Variants in MRE11 observed in about 807,000 individuals in gnomAD.
MRE11 encodes the protein double-strand break repair protein MRE11.
In MRE11, 62 loss-of-function variants were observed where a neutral mutation model predicts 91.7. That is an observed-to-expected ratio of 0.68 (90% CI 0.55 to 0.84). The LOEUF is 0.84. MRE11 is among the 40% of genes least tolerant of loss of function. The pLI is 0.00. For missense variants in MRE11, 796 were observed against 852.9 expected (o/e 0.93, Z 0.83); for synonymous variants, 273 against 271.4 (o/e 1.01, Z -0.06).
chr11:94,454,143 G>A (rs372673239), intron 14 of MRE11, among the ~76,000 whole-genome samples: 5 of 149,150 alleles, frequency 3.4e-5, no homozygotes, highest in East Asian at 3.9e-4. Flanking sequence ...GCGTCATCTC[G>A]GCTCATTGCA....
At chr11:94,427,571 G>T (rs138662745) in intron 19 of MRE11, among the ~76,000 whole-genome samples, 1 of 152,048 alleles carries the variant, frequency 6.6e-6, no homozygotes, top group Non-Finnish European at 1.5e-5. Flanking sequence ...AGAAAGAAAA[G>T]ACATCCAAAC....
chr11:94,464,077 G>A (rs1946493556), intron 11 of MRE11, 36 bp downstream of exon 11: 2 of 1,598,814 alleles, frequency 1.3e-6, no homozygotes, highest in Non-Finnish European at 1.7e-6. Flanking sequence ...AATCCTATAA[G>A]AACATTTTTT....
At chr11:94,447,097 A>G in intron 15 of MRE11, 122 bp downstream of exon 15, 1 of 1,033,246 alleles carries the variant, frequency 9.7e-7, no homozygotes, top group Non-Finnish European at 1.5e-6. Flanking sequence ...TTATAAAAAT[A>G]GATTTTTAAA....
At chr11:94,504,240 T>C in the MRE11 span, among the ~76,000 whole-genome samples, 1 of 152,160 alleles carries the variant, frequency 6.6e-6, no homozygotes, top group Non-Finnish European at 1.5e-5. Context: ...TTTTTGTACA[T>C]AAGTTATATT....
At chr11:94,457,906 C>G (rs925256136) in intron 13 of MRE11, among the ~76,000 whole-genome samples, 2 of 151,730 alleles carry the variant, frequency 1.3e-5, no homozygotes, top group African/African-American at 4.8e-5. Context: ...CACACACACA[C>G]ACACACACCC....
chr11:94,496,673 T>C (rs1187334999), upstream of MRE11: 4 of 1,538,986 alleles, frequency 2.6e-6, no homozygotes, highest in South Asian at 2.5e-5. Context: ...AAATGCTTTT[T>C]ATTTAGAATA....
At chr11:94,421,756 C>T (rs745549933) in intron 19 of MRE11, among the ~76,000 whole-genome samples, 4 of 152,136 alleles carry the variant, frequency 2.6e-5, no homozygotes, top group Non-Finnish European at 4.4e-5. Flanking sequence ...CAGGCTACAA[C>T]GTAGATAAAC....
In MRE11 at chr11:94,447,296, C is replaced by A; in HGVS notation, c.1706G>T (p.Gly569Val). The A allele has an allele frequency of 1.2e-6, 2 of 1,614,072 alleles. No homozygotes were observed. Among genetic ancestry groups the A allele is most frequent in the South Asian group, 2.2e-5 (2 of 91,078 alleles). The change falls in exon 15 of 20, where the codon GGA (glycine) becomes GTA (valine). Residue 569 changes from glycine (G) to valine (V), a missense_variant. Physicochemically the swap from Gly to Val is moderately radical, Grantham distance 109 (BLOSUM62 -3). Coordinates refer to ENST00000323929, the MANE Select transcript of MRE11 (RefSeq NM_005591.4). ...DDSISAATNK[G>V]RGRGRGRRGG... ...TCTTCGACCTCTTCCTCGGCCTCTTCCTTTGTTGGTTGCTGCTGAGATGCT... is the reference window on the plus strand; with the variant it reads ...TCTTCGACCTCTTCCTCGGCCTCTTACTTTGTTGGTTGCTGCTGAGATGCT...
chr11:94,424,180 G>C (rs544368545), intron 19 of MRE11, among the ~76,000 whole-genome samples: 18 of 152,296 alleles, frequency 1.2e-4, no homozygotes, highest in African/African-American at 4.1e-4. Flanking sequence ...AGCTGAGTAA[G>C]AGCCTATCCA....
intron 7 of MRE11, among the ~76,000 whole-genome samples, chr11:94,475,828 C>G (rs895606400): frequency 1.1e-4 from 17 of 152,082 alleles, no homozygotes; most frequent in Non-Finnish European, 2.5e-4. Context: ...AATTACACAT[C>G]CAAGCATCAA....
chr11:94,465,626 C>T (rs906619699), intron 10 of MRE11, among the ~76,000 whole-genome samples: 4 of 152,002 alleles, frequency 2.6e-5, no homozygotes, highest in Admixed American at 2.6e-4. Context: ...GAACTCCTGA[C>T]GTCAGATGAT....
intron 16 of MRE11, among the ~76,000 whole-genome samples, chr11:94,442,400 A>G (rs1945805290): frequency 6.6e-6 from 1 of 152,206 alleles, no homozygotes; most frequent in South Asian, 2.1e-4. Flanking sequence ...TTAAGTGATG[A>G]ATTCTACCCA....
At chr11:94,472,620 C>T (rs1946746581) in intron 7 of MRE11, among the ~76,000 whole-genome samples, 2 of 152,044 alleles carry the variant, frequency 1.3e-5, no homozygotes, top group Non-Finnish European at 2.9e-5. Context: ...ATTTTAAGTG[C>T]CAACATGGCA....
chr11:94,458,372 C>T (rs1339359447), intron 13 of MRE11, among the ~76,000 whole-genome samples: 1 of 41,206 alleles, frequency 2.4e-5, no homozygotes, highest in Non-Finnish European at 4.5e-5. Context: ...TTATACTACG[C>T]AGTTTTTTAT....
chr11:94,452,488 T>C (rs1946136079), intron 14 of MRE11, among the ~76,000 whole-genome samples: 1 of 152,174 alleles, frequency 6.6e-6, no homozygotes, highest in Non-Finnish European at 1.5e-5. Flanking sequence ...TTAAGACATC[T>C]TTGGACTAAT....
chr11:94,482,948 TA>T (rs1947049844), intron 4 of MRE11, among the ~76,000 whole-genome samples: 1 of 151,694 alleles, frequency 6.6e-6, no homozygotes. Flanking sequence ...AAATAAAAAA[TA>T]AAAAATAAAA....
chr11:94,463,584 T>C (rs886543083), intron 11 of MRE11, among the ~76,000 whole-genome samples: 8 of 152,156 alleles, frequency 5.3e-5, no homozygotes, highest in South Asian at 2.1e-4. Context: ...ATATACACTA[T>C]GGAATACTAT....
At chr11:94,479,496 T>C (rs1946959236) in intron 5 of MRE11, among the ~76,000 whole-genome samples, 178 bp downstream of exon 5, 1 of 152,214 alleles carries the variant, frequency 6.6e-6, no homozygotes, top group Non-Finnish European at 1.5e-5. Context: ...CCAATTCTTA[T>C]TTCAGATTTT....
chr11:94,423,938 C>G lies in MRE11; in HGVS notation c.2071-3757G>C, dbSNP rs373331910. 4.0e-4 allele frequency among the ~76,000 whole-genome samples: 61 copies of G among 152,270 alleles called. 1 individual carries two copies. In the South Asian group the frequency reaches 0.011, roughly 27 times the overall value. ...TGGGCCAGTGCAGGAATGGGACATGCCTTCCTCCACAGTGCTGGTCTGGGA... is the reference window on the plus strand; with the variant it reads ...TGGGCCAGTGCAGGAATGGGACATGGCTTCCTCCACAGTGCTGGTCTGGGA... On this transcript the variant is annotated intron_variant, in intron 19 of 19. Coordinates refer to ENST00000323929, the MANE Select transcript of MRE11 (RefSeq NM_005591.4).
Sources: allele counts gnomAD v4.1 joint callset (sites outside exome capture counted in the v4.1 genomes callset), GRCh38; gene constraint gnomAD v4.1.1; transcripts MANE v1.5; gene names NCBI Gene and HGNC (gene_info 2026-07-23, HGNC 2026-07-21).